The following KHDRBS2 variants were observed in gnomAD, a reference collection of about 807,000 sequenced individuals.
The protein encoded by KHDRBS2 is KH RNA binding domain containing, signal transduction associated 2, also known as KH domain-containing, RNA-binding, signal transduction-associated protein 2.
Under a neutral mutation model 44.3 loss-of-function variants are expected in KHDRBS2, and 26 were observed. The ratio of observed to expected loss-of-function variants is 0.59; its 90% CI spans 0.43 to 0.81. The LOEUF is 0.81. KHDRBS2 is among the 40% of genes least tolerant of loss of function. The pLI is 0.00. For missense variants in KHDRBS2, 476 were observed against 433.1 expected, an observed-to-expected ratio of 1.10 and a Z score of -0.88; for synonymous variants, 194 against 151.1, an observed-to-expected ratio of 1.28 and a Z score of -2.08.
At chr6:61,840,382 C>T (rs1262439058) in intron 6 of KHDRBS2, among the ~76,000 whole-genome samples, 1 of 152,030 alleles carries the variant, frequency 6.6e-6, no homozygotes, top group Non-Finnish European at 1.5e-5. Flanking sequence ...TAGAAAACAG[C>T]AATTGTTCTG....
At chr6:61,810,506 A>T (rs1175474326) in intron 6 of KHDRBS2, among the ~76,000 whole-genome samples, 1 of 152,130 alleles carries the variant, frequency 6.6e-6, no homozygotes, top group Admixed American at 6.6e-5. Context: ...GTATATTCTA[A>T]TAAATAATAA....
At chr6:62,241,771 T>C (rs1282954670) in intron 1 of KHDRBS2, among the ~76,000 whole-genome samples, 1 of 152,234 alleles carries the variant, frequency 6.6e-6, no homozygotes, top group East Asian at 1.9e-4. Context: ...AAGTTAGCAA[T>C]AATTATCATA....
intron 6 of KHDRBS2, among the ~76,000 whole-genome samples, chr6:61,790,398 C>T (rs1582857368): frequency 1.4e-5 from 2 of 141,822 alleles, no homozygotes; most frequent in East Asian, 3.9e-4. Flanking sequence ...GTACACCTTA[C>T]TTGGGACTTA....
chr6:61,821,323 A>T (rs552445152), intron 6 of KHDRBS2, among the ~76,000 whole-genome samples: 1 of 151,706 alleles, frequency 6.6e-6, no homozygotes. Flanking sequence ...GGTTTGCAAC[A>T]TTGCATTTTA....
chr6:61,747,992 C>T (rs1324002216), intron 6 of KHDRBS2, among the ~76,000 whole-genome samples: 2 of 152,024 alleles, frequency 1.3e-5, no homozygotes, highest in Non-Finnish European at 2.9e-5. Context: ...TAGTTCTGAT[C>T]CTTAATATTC....
intron 3 of KHDRBS2, among the ~76,000 whole-genome samples, chr6:62,030,679 C>T (rs1784187162): frequency 1.3e-5 from 2 of 152,060 alleles, no homozygotes; most frequent in Admixed American, 1.3e-4. Context: ...TTAGCCGAAA[C>T]ATTAGTACTT....
chr6:61,587,809 C>G, the KHDRBS2 span, among the ~76,000 whole-genome samples: 46 of 152,318 alleles, frequency 3.0e-4, no homozygotes, highest in Admixed American at 1.6e-3. Context: ...AATGCCCTTA[C>G]ACTGTCCCAT....
At chr6:62,031,666 T>C (rs141627943) in intron 3 of KHDRBS2, among the ~76,000 whole-genome samples, 42 of 152,058 alleles carry the variant, frequency 2.8e-4, no homozygotes, top group African/African-American at 8.9e-4. Context: ...CTTTGGAAAG[T>C]AGGGAGAAGA....
chr6:62,073,796 T>A (rs189854462), intron 2 of KHDRBS2, among the ~76,000 whole-genome samples: 83 of 151,832 alleles, frequency 5.5e-4, no homozygotes, highest in Non-Finnish European at 1.0e-3. Flanking sequence ...AGCCTCCTCC[T>A]AATAGCTCTT....
chr6:62,213,445 T>C (rs1183276445), intron 1 of KHDRBS2, among the ~76,000 whole-genome samples: 2 of 151,736 alleles, frequency 1.3e-5, no homozygotes, highest in Non-Finnish European at 2.9e-5. Flanking sequence ...AAGATAAAAG[T>C]CTTAAAAATC....
chr6:62,019,943 ATTTCT>A (rs1317541366), intron 3 of KHDRBS2, among the ~76,000 whole-genome samples: 10 of 150,940 alleles, frequency 6.6e-5, no homozygotes, highest in African/African-American at 2.2e-4. Flanking sequence ...GATCTTTATT[ATTTCT>A]TTTCTTTTCT....
intron 3 of KHDRBS2, among the ~76,000 whole-genome samples, chr6:61,980,775 A>G (rs1192426): frequency 0.69 from 105,413 of 152,020 alleles, 36,540 homozygotes; most frequent in South Asian, 0.72. Flanking sequence ...AACCACCACA[A>G]CTCTGCAGGA....
chr6:61,727,841 A>C (rs960090152), intron 7 of KHDRBS2, among the ~76,000 whole-genome samples: 4 of 152,140 alleles, frequency 2.6e-5, no homozygotes, highest in African/African-American at 9.6e-5. Flanking sequence ...TAAATTAGTT[A>C]AACTATTGTG....
intron 2 of KHDRBS2, among the ~76,000 whole-genome samples, chr6:62,108,528 A>T (rs904167126): frequency 2.0e-5 from 3 of 152,182 alleles, no homozygotes; most frequent in East Asian, 1.9e-4. Flanking sequence ...CCATCGTGGA[A>T]GTCAGTGTGG....
At chr6:61,857,285 A>G (rs1181811258) in intron 6 of KHDRBS2, among the ~76,000 whole-genome samples, 2 of 152,078 alleles carry the variant, frequency 1.3e-5, no homozygotes, top group African/African-American at 4.8e-5. Context: ...TATAACTTTC[A>G]CTACAAAAGT....
intron 6 of KHDRBS2, among the ~76,000 whole-genome samples, chr6:61,742,709 A>G (rs1352298225): frequency 6.6e-6 from 1 of 152,038 alleles, no homozygotes; most frequent in Non-Finnish European, 1.5e-5. Flanking sequence ...GTCATTATGT[A>G]TTCAAAACCA....
intron 2 of KHDRBS2, among the ~76,000 whole-genome samples, chr6:62,157,152 G>C (rs954942500): frequency 6.6e-6 from 1 of 151,100 alleles, no homozygotes; most frequent in Non-Finnish European, 1.5e-5. Context: ...TCAAGTGATC[G>C]AGACCATCCT....
At chr6:61,671,166 A>G in the KHDRBS2 span, among the ~76,000 whole-genome samples, 4,642 of 151,800 alleles carry the variant, frequency 0.031, 242 homozygotes, top group African/African-American at 0.11. Context: ...GGAAAACAGT[A>G]GAACGTTTTT....
chr6:61,862,048 C>A (rs1797065896), intron 6 of KHDRBS2, among the ~76,000 whole-genome samples: 1 of 151,864 alleles, frequency 6.6e-6, no homozygotes, highest in Admixed American at 6.6e-5. Context: ...GCTTGTGATT[C>A]ATGCACATTG....
Sources: gnomAD v4.1 joint callset for allele counts (sites outside exome capture counted in the v4.1 genomes callset) on GRCh38, gnomAD v4.1.1 for gene constraint, MANE v1.5 for transcripts, NCBI Gene and HGNC (gene_info 2026-07-23, HGNC 2026-07-21) for gene names.